Variants in LHFPL6 observed in about 807,000 individuals in gnomAD.
The protein encoded by LHFPL6 is LHFPL tetraspan subfamily member 6.
Under a neutral mutation model 20.6 loss-of-function variants are expected in LHFPL6, and 9 were observed. The observed-to-expected ratio is 0.44, with a 90% CI of 0.26 to 0.76. The LOEUF is 0.76. LHFPL6 is among the 30% of genes least tolerant of loss of function. The pLI is 0.20. For missense variants in LHFPL6, 218 were observed against 253.5 expected, an observed-to-expected ratio of 0.86 and a Z score of 0.95; for synonymous variants, 105 against 98.7, an observed-to-expected ratio of 1.06 and a Z score of -0.38.
At chr13:39,346,421 C>G (rs1869402300) in intron 3 of LHFPL6, among the ~76,000 whole-genome samples, 1 of 152,188 alleles carries the variant, frequency 6.6e-6, no homozygotes, top group African/African-American at 2.4e-5. Context: ...TGTCATGGAG[C>G]TTTACATGGA....
intron 2 of LHFPL6, among the ~76,000 whole-genome samples, chr13:39,512,207 C>T (rs1352136177): frequency 6.6e-6 from 1 of 152,240 alleles, no homozygotes; most frequent in Non-Finnish European, 1.5e-5. Flanking sequence ...CCTGTTCTCT[C>T]TCATCTCACC....
rs1253846791 is a variant in LHFPL6, at chr13:39,601,341, A to G, written c.-125T>C. 3.8e-5 allele frequency: 35 copies of G among 923,290 alleles called. No individual in the cohort carries two copies. The highest frequency in any genetic ancestry group is 5.4e-5 in the Non-Finnish European group (35 of 642,508). The allele number at this position is 923,290 out of a possible 1,614,324, so 57.2% of individuals were successfully genotyped here. ...GTTCCGTAATGCAGAATGGATCTTC[A>G]GTCTTACTGGGCATCAACTTTCCAT... is the stretch of plus-strand genomic sequence containing the variant. On this transcript the variant is annotated 5_prime_UTR_variant, in exon 2 of 4. Coordinates refer to ENST00000379589, the MANE Select transcript of LHFPL6 (RefSeq NM_005780.3).
intron 2 of LHFPL6, among the ~76,000 whole-genome samples, chr13:39,495,779 A>ATTTT (rs10558170): frequency 5.6e-5 from 5 of 89,554 alleles, no homozygotes; most frequent in South Asian, 3.8e-4. Flanking sequence ...TAACTCAATA[A>ATTTT]TTTTTTTTTT....
chr13:39,481,160 G>A (rs1868507040), intron 2 of LHFPL6, among the ~76,000 whole-genome samples: 1 of 151,974 alleles, frequency 6.6e-6, no homozygotes, highest in African/African-American at 2.4e-5. Context: ...TAACAACACA[G>A]GAAAATGTTT....
intron 2 of LHFPL6, among the ~76,000 whole-genome samples, chr13:39,561,735 G>A (rs1871490101): frequency 6.6e-6 from 1 of 152,226 alleles, no homozygotes; most frequent in African/African-American, 2.4e-5. Flanking sequence ...GGGGATTACA[G>A]GTGTGAACCA....
At chr13:39,496,406 T>C (rs767086459) in intron 2 of LHFPL6, among the ~76,000 whole-genome samples, 1 of 152,168 alleles carries the variant, frequency 6.6e-6, no homozygotes, top group Non-Finnish European at 1.5e-5. Flanking sequence ...GAGTAGGATT[T>C]CTATATATGA....
intron 2 of LHFPL6, among the ~76,000 whole-genome samples, chr13:39,488,798 T>C (rs1433736272): frequency 1.3e-5 from 2 of 152,194 alleles, no homozygotes; most frequent in South Asian, 2.1e-4. Flanking sequence ...ATTTAAAACA[T>C]CTTTAGATAT....
intron 2 of LHFPL6, among the ~76,000 whole-genome samples, chr13:39,470,264 A>C (rs1348727867): frequency 6.6e-6 from 1 of 152,176 alleles, no homozygotes; most frequent in Admixed American, 6.5e-5. Context: ...GAAGTGCAAA[A>C]ACCCCCAAAT....
At chr13:39,414,945 T>C (rs957696800) in intron 2 of LHFPL6, among the ~76,000 whole-genome samples, 1 of 152,146 alleles carries the variant, frequency 6.6e-6, no homozygotes, top group African/African-American at 2.4e-5. Context: ...AGCTACAGGG[T>C]CTTGAGTCAA....
At chr13:39,523,334 C>G (rs906688295) in intron 2 of LHFPL6, among the ~76,000 whole-genome samples, 3 of 152,146 alleles carry the variant, frequency 2.0e-5, no homozygotes, top group Non-Finnish European at 4.4e-5. Context: ...CTTTGGGAGG[C>G]CGAGGCGGGC....
At chr13:39,588,292 C>T (rs1872510761) in intron 2 of LHFPL6, among the ~76,000 whole-genome samples, 1 of 152,206 alleles carries the variant, frequency 6.6e-6, no homozygotes, top group Non-Finnish European at 1.5e-5. Context: ...TTTATCCCAA[C>T]ACGTAGCACA....
chr13:39,553,488 G>A (rs1179405092), intron 2 of LHFPL6, among the ~76,000 whole-genome samples: 6 of 152,230 alleles, frequency 3.9e-5, no homozygotes, highest in African/African-American at 1.2e-4. Context: ...AAGATATGAG[G>A]ATCCCTTGAG....
chr13:39,436,437 T>C (rs1871959434), intron 2 of LHFPL6, among the ~76,000 whole-genome samples: 1 of 152,244 alleles, frequency 6.6e-6, no homozygotes, highest in African/African-American at 2.4e-5. Context: ...ATATCATACA[T>C]GACAGCAGCT....
At position 39,553,622 on chromosome 13, in the gene LHFPL6, G is replaced by A. The variant is rs186914675; in HGVS notation, c.385+47210C>T. On this transcript the variant is annotated intron_variant, in intron 2 of 3. Transcript: ENST00000379589. ...AGTCCCAGCTACTCAGGAAGCTGAG[G>A]TGGCACTTGAGCCCAGCAGTGTGAG... 2.3e-3 allele frequency among the ~76,000 whole-genome samples: 357 copies of A among 152,330 alleles called. 2 individuals are homozygous for A. The highest frequency in any genetic ancestry group is 7.8e-3 in the African/African-American group (325 of 41,568).
intron 2 of LHFPL6, among the ~76,000 whole-genome samples, chr13:39,522,039 C>T (rs893130512): frequency 2.0e-5 from 3 of 152,202 alleles, no homozygotes; most frequent in Non-Finnish European, 4.4e-5. Context: ...AGTACACACA[C>T]AGCCTCTTAC....
At chr13:39,469,916 C>T (rs1230358815) in intron 2 of LHFPL6, among the ~76,000 whole-genome samples, 1 of 152,132 alleles carries the variant, frequency 6.6e-6, no homozygotes, top group Non-Finnish European at 1.5e-5. Context: ...GATGGCATCG[C>T]TACTACACTA....
At chr13:39,405,631 G>T (rs941194112) in intron 2 of LHFPL6, among the ~76,000 whole-genome samples, 2 of 152,140 alleles carry the variant, frequency 1.3e-5, no homozygotes, top group Non-Finnish European at 2.9e-5. Context: ...AACCCAGACT[G>T]GGGGCAGGGG....
intron 2 of LHFPL6, among the ~76,000 whole-genome samples, chr13:39,388,477 C>T (rs764424923): frequency 1.2e-4 from 18 of 152,146 alleles, no homozygotes; most frequent in Non-Finnish European, 2.2e-4. Flanking sequence ...TTCTACGTGA[C>T]AGTTTTCTGG....
At chr13:39,487,333 A>T (rs548406370) in intron 2 of LHFPL6, among the ~76,000 whole-genome samples, 41 of 152,178 alleles carry the variant, frequency 2.7e-4, no homozygotes, top group African/African-American at 9.6e-4. Flanking sequence ...AAAAGAGCAA[A>T]CTCTCCCTTT....
Sources: gnomAD v4.1 joint callset for allele counts (sites outside exome capture counted in the v4.1 genomes callset) on GRCh38, gnomAD v4.1.1 for gene constraint, MANE v1.5 for transcripts, NCBI Gene and HGNC (gene_info 2026-07-23, HGNC 2026-07-21) for gene names.